Variants in PTPRM observed in about 807,000 individuals in gnomAD.
PTPRM encodes the protein receptor-type tyrosine-protein phosphatase mu.
A neutral mutation model predicts 186.7 loss-of-function variants in PTPRM; 47 were observed. The observed-to-expected ratio is 0.25, with a 90% CI of 0.20 to 0.32. The LOEUF (loss-of-function observed/expected upper bound fraction) is 0.32. Among genes scored for constraint, PTPRM ranks in the 10% least tolerant of loss-of-function variants. PTPRM has a pLI of 1.00. For synonymous variants in PTPRM, 668 were observed against 674.9 expected, an observed-to-expected ratio of 0.99 and a Z score of 0.16; for missense variants, 1,494 against 1,865.0, an observed-to-expected ratio of 0.80 and a Z score of 3.66.
chr18:7,567,696 G>C lies in PTPRM; in HGVS notation c.-123G>C, dbSNP rs2036458655. On this transcript the variant is annotated 5_prime_UTR_variant, in exon 1 of 33. Coordinates refer to ENST00000580170, the MANE Select transcript of PTPRM (RefSeq NM_001105244.2). This position sits in a 1 kb window ranked among gnomAD's most constrained non-coding sequence, Gnocchi z 4.3. ...GCAACTGTTGGCACTTTGGGGGCTT[G>C]GCTTAGCGCTCTGCTGTTTACCCGT... The C allele has an allele frequency of 1.1e-6, 1 of 874,606 alleles. No individual in the cohort carries two copies. Among genetic ancestry groups the C allele is most frequent in the Admixed American group, 4.0e-5 (1 of 25,224 alleles). 54.2% of individuals were successfully genotyped at this position (874,606 alleles called of 1,614,324 possible).
intron 7 of PTPRM, among the ~76,000 whole-genome samples, chr18:8,004,960 T>G (rs2084090484): frequency 6.6e-6 from 1 of 152,216 alleles, no homozygotes; most frequent in South Asian, 2.1e-4. Context: ...ATGTTTTCAG[T>G]GCATATAAGT....
intron 13 of PTPRM, among the ~76,000 whole-genome samples, chr18:8,116,581 T>C (rs2145750352): frequency 6.6e-6 from 1 of 152,250 alleles, no homozygotes; most frequent in South Asian, 2.1e-4. Context: ...TCAGACCTCC[T>C]CTTGGTGAGG....
intron 19 of PTPRM, among the ~76,000 whole-genome samples, chr18:8,264,662 G>A (rs779229643): frequency 4.0e-5 from 6 of 151,692 alleles, no homozygotes; most frequent in Admixed American, 1.3e-4. Context: ...CCAGCTACTC[G>A]GGAGGCTGAG....
intron 19 of PTPRM, among the ~76,000 whole-genome samples, chr18:8,289,617 T>C (rs765616145): frequency 0.084 from 9,177 of 109,244 alleles, 679 homozygotes; most frequent in Middle Eastern, 0.15. Context: ...CATATATATA[T>C]ACACATATAT....
chr18:7,627,012 C>T (rs996736094), intron 1 of PTPRM, among the ~76,000 whole-genome samples: 10 of 152,220 alleles, frequency 6.6e-5, no homozygotes, highest in Admixed American at 5.2e-4. Flanking sequence ...TCGGCACTAT[C>T]CCCCTCTGCA....
At chr18:8,216,184 T>TTC (rs1184285741) in intron 14 of PTPRM, among the ~76,000 whole-genome samples, 2 of 152,042 alleles carry the variant, frequency 1.3e-5, no homozygotes, top group South Asian at 2.1e-4. Context: ...CTAACCCCGG[T>TTC]TCTCTCTCTC....
intron 2 of PTPRM, among the ~76,000 whole-genome samples, chr18:7,872,451 T>C (rs1161770561): frequency 6.6e-6 from 1 of 152,228 alleles, no homozygotes; most frequent in Non-Finnish European, 1.5e-5. Context: ...ACCCAGTGTG[T>C]TTATGGGTAC....
intron 7 of PTPRM, among the ~76,000 whole-genome samples, chr18:7,990,549 T>G (rs2147619637): frequency 6.6e-6 from 1 of 152,322 alleles, no homozygotes; most frequent in East Asian, 1.9e-4. Flanking sequence ...AGCCAAAATC[T>G]TTTAGGGTTA....
chr18:8,312,625 T>C (rs1481811353), intron 20 of PTPRM, among the ~76,000 whole-genome samples: 1 of 152,066 alleles, frequency 6.6e-6, no homozygotes, highest in African/African-American at 2.4e-5. Flanking sequence ...ACTCTTCATC[T>C]CCATTTTACA....
chr18:8,240,813 AG>A (rs1242033722), intron 14 of PTPRM, among the ~76,000 whole-genome samples: 2 of 50,506 alleles, frequency 4.0e-5, no homozygotes, highest in African/African-American at 2.4e-4. Flanking sequence ...AGAGAGAGAG[AG>A]AGAGAGAGAG....
chr18:7,907,237 C>T (rs1015442370), intron 4 of PTPRM, among the ~76,000 whole-genome samples: 2 of 150,130 alleles, frequency 1.3e-5, no homozygotes, highest in African/African-American at 5.1e-5. Context: ...CCAAACCCTG[C>T]CCCCCAGGGG....
chr18:7,589,707 T>C (rs75885125), intron 1 of PTPRM, among the ~76,000 whole-genome samples: 2,785 of 152,296 alleles, frequency 0.018, 80 homozygotes, highest in African/African-American at 0.063. Context: ...TGACATAATA[T>C]AATGTAGATA....
chr18:7,943,837 A>C (rs373245946), intron 5 of PTPRM, among the ~76,000 whole-genome samples: 1 of 152,174 alleles, frequency 6.6e-6, no homozygotes, highest in African/African-American at 2.4e-5. Context: ...AATCCAGTCT[A>C]TCTTTCCATC....
chr18:7,728,642 G>A (rs2040595660), intron 1 of PTPRM, among the ~76,000 whole-genome samples: 1 of 152,220 alleles, frequency 6.6e-6, no homozygotes, highest in African/African-American at 2.4e-5. Context: ...TTGGGTCTTG[G>A]GTTTCATCTG....
intron 23 of PTPRM, among the ~76,000 whole-genome samples, chr18:8,344,474 ATC>A (rs1555880836): frequency 3.6e-4 from 53 of 147,320 alleles, no homozygotes; most frequent in Middle Eastern, 3.5e-3. Flanking sequence ...ATATATATAT[ATC>A]TAGCAAAAAT....
intron 1 of PTPRM, among the ~76,000 whole-genome samples, chr18:7,592,479 T>G (rs914636004): frequency 1.3e-5 from 2 of 152,190 alleles, no homozygotes; most frequent in South Asian, 4.1e-4. Flanking sequence ...TCTCAGGACT[T>G]GCCTGGTCCT....
chr18:7,981,110 G>C (rs538934120), intron 7 of PTPRM, among the ~76,000 whole-genome samples: 1 of 152,160 alleles, frequency 6.6e-6, no homozygotes, highest in African/African-American at 2.4e-5. Context: ...GCACCATGAA[G>C]GTAGAATCAC....
intron 14 of PTPRM, among the ~76,000 whole-genome samples, chr18:8,229,643 G>A (rs2094259997): frequency 6.6e-6 from 1 of 152,056 alleles, no homozygotes; most frequent in Admixed American, 6.6e-5. Flanking sequence ...AGTCATGCAA[G>A]ACATTTGTGT....
At chr18:7,709,847 A>G (rs2040174431) in intron 1 of PTPRM, among the ~76,000 whole-genome samples, 1 of 152,186 alleles carries the variant, frequency 6.6e-6, no homozygotes, top group East Asian at 1.9e-4. Context: ...CCTAGAATAA[A>G]CCAGGAAGAA....
Sources: gnomAD v4.1 joint callset for allele counts (sites outside exome capture counted in the v4.1 genomes callset) on GRCh38, gnomAD v4.1.1 for gene constraint, Gnocchi (gnomAD v3.1) non-coding constraint, MANE v1.5 for transcripts, NCBI Gene and HGNC (gene_info 2026-07-23, HGNC 2026-07-21) for gene names.